The following DNAH7 variants were observed in gnomAD, a reference collection of about 807,000 sequenced individuals.
DNAH7 encodes the protein axonemal beta dynein heavy chain 7.
In DNAH7, 397 loss-of-function variants were observed where a neutral mutation model predicts 444.6. The observed-to-expected ratio is 0.89, with a 90% CI of 0.82 to 0.97. The LOEUF is 0.97. Among genes scored for constraint, DNAH7 ranks in the 50% least tolerant of loss-of-function variants. The pLI is 0.00. For synonymous variants in DNAH7, 1,636 were observed against 1,624.4 expected (o/e 1.01, Z -0.17); for missense variants, 4,902 against 4,800.8 (o/e 1.02, Z -0.62).
At chr2:195,961,392 C>T (rs1691094712) in intron 17 of DNAH7, among the ~76,000 whole-genome samples, 1 of 152,116 alleles carries the variant, frequency 6.6e-6, no homozygotes, top group South Asian at 2.1e-4. Flanking sequence ...TTCCCCAATC[C>T]CCACTACCCA....
intron 54 of DNAH7, among the ~76,000 whole-genome samples, chr2:195,805,255 T>A (rs1017666391): frequency 2.0e-5 from 3 of 148,318 alleles, no homozygotes; most frequent in African/African-American, 7.4e-5. Context: ...AAACACGAAC[T>A]TTTTTTTTTA....
chr2:195,806,701 C>T (rs184615767), intron 54 of DNAH7, 39 bp downstream of exon 54: 11 of 1,573,734 alleles, frequency 7.0e-6, no homozygotes, highest in Admixed American at 1.7e-5. Context: ...AGGCATAAGG[C>T]TTTGGAATCA....
At chr2:195,791,066 G>A (rs887492353) in intron 57 of DNAH7, among the ~76,000 whole-genome samples, 6 of 152,082 alleles carry the variant, frequency 3.9e-5, no homozygotes, top group Non-Finnish European at 4.4e-5. Context: ...AGACTTACAA[G>A]TGGCCAAGAA....
intron 61 of DNAH7, among the ~76,000 whole-genome samples, chr2:195,769,159 A>G (rs987058335): frequency 2.0e-5 from 3 of 152,198 alleles, no homozygotes; most frequent in African/African-American, 7.2e-5. Flanking sequence ...CATTATAAGT[A>G]GTTCATATGA....
At chr2:195,996,769 A>C (rs1024345232) in intron 12 of DNAH7, among the ~76,000 whole-genome samples, 10 of 152,174 alleles carry the variant, frequency 6.6e-5, no homozygotes, top group African/African-American at 2.4e-4. Context: ...TGTTGCCCAG[A>C]TTTTATCTAT....
Position 195,834,233 on chromosome 2 carries a change from C to T in DNAH7, c.9073G>A (p.Glu3025Lys), listed in dbSNP as rs1698216168. 2 of 1,605,800 alleles carry T rather than the reference C, an allele frequency of 1.2e-6. No homozygotes were observed. Among genetic ancestry groups the T allele is most frequent in the East Asian group, 4.5e-5 (2 of 44,658 alleles). Residue 3025 changes from glutamate to lysine, a missense_variant, in exon 48 of 65, where the codon GAA (glutamate) becomes AAA (lysine). Coordinates refer to ENST00000312428, the MANE Select transcript of DNAH7 (RefSeq NM_018897.3). Reference protein sequence around the residue: ...LSEPDYVRTLENCIQFGTPVL... With the variant: ...LSEPDYVRTLKNCIQFGTPVL... The stretch of plus-strand genomic sequence containing the variant: ...GGAGTACCAAACTGGATGCAATTTT[C>T]CAGAGTCCTGACATAGTCAGGTTCA...
At chr2:195,802,194 GT>G (rs1696494666) in intron 54 of DNAH7, among the ~76,000 whole-genome samples, 1 of 152,146 alleles carries the variant, frequency 6.6e-6, no homozygotes, top group African/African-American at 2.4e-5. Flanking sequence ...TTCAGGTTTT[GT>G]TTTTTGTTCT....
intron 63 of DNAH7, among the ~76,000 whole-genome samples, chr2:195,749,165 C>T (rs10931709): frequency 3.9e-5 from 6 of 151,930 alleles, no homozygotes; most frequent in African/African-American, 7.3e-5. Flanking sequence ...TCAAAAAGTG[C>T]GTGAAGGACA....
In DNAH7 at chr2:195,853,591, G is replaced by T. The variant is rs931448274; in HGVS notation, c.8596-63C>A. ...GTATAAGAAGTTTAAAATTCTGCAA[G>T]ATTTTACCCTCAGAAGTGAATTATT... is the stretch of plus-strand genomic sequence containing the variant. On this transcript the variant is annotated intron_variant, in intron 45 of 64. Transcript: ENST00000312428. The T allele has an allele frequency of 6.1e-5, 88 of 1,449,988 alleles. 1 individual carries two copies. The South Asian group carries it at 1.1e-3, about 19-fold the overall frequency. 89.8% of individuals were successfully genotyped at this position (1,449,988 alleles called of 1,614,324 possible). A position where few individuals can be genotyped will look rare whatever the true frequency, so the allele number is the denominator to read the frequency against.
At chr2:196,003,303 A>T (rs1694161838) in intron 10 of DNAH7, among the ~76,000 whole-genome samples, 1 of 152,174 alleles carries the variant, frequency 6.6e-6, no homozygotes, top group Non-Finnish European at 1.5e-5. Context: ...CAGAATAGAA[A>T]ACAGGAAGAA....
chr2:195,871,488 T>C (rs564922684), intron 40 of DNAH7, among the ~76,000 whole-genome samples: 1 of 152,088 alleles, frequency 6.6e-6, no homozygotes, highest in Non-Finnish European at 1.5e-5. Context: ...CTCATCCACA[T>C]ACCTATTCCC....
chr2:195,994,065 T>C (rs1693532397), intron 12 of DNAH7, among the ~76,000 whole-genome samples: 1 of 152,222 alleles, frequency 6.6e-6, no homozygotes, highest in Admixed American at 6.5e-5. Context: ...CAACTGTGCA[T>C]TTAGACAAGT....
intron 25 of DNAH7, 88 bp downstream of exon 25, chr2:195,909,939 C>G: frequency 1.5e-6 from 2 of 1,310,040 alleles, no homozygotes; most frequent in Non-Finnish European, 2.1e-6. Context: ...TACAGTAAAT[C>G]TTTTACTTGT....
chr2:196,001,098 G>C (rs1171361591), intron 11 of DNAH7, among the ~76,000 whole-genome samples: 1 of 151,960 alleles, frequency 6.6e-6, no homozygotes, highest in East Asian at 1.9e-4. Context: ...TCAACTACAG[G>C]GTCAAAGTCC....
Position 195,834,122 on chromosome 2 carries a change from G to A in DNAH7, c.9100+84C>T, listed in dbSNP as rs560307544. 2.6e-5 allele frequency: 36 copies of A among 1,359,304 alleles called. 1 individual carries two copies. Among genetic ancestry groups the A allele is most frequent in the South Asian group, 5.0e-5 (3 of 59,406 alleles). The allele number at this position is 1,359,304 out of a possible 1,614,324, so 84.2% of individuals were successfully genotyped here. ...CTTGGTAGGCTGAGGTGGGAGGATC[G>A]CTTGAAACAATCTATACAGTTTTGG... On this transcript the variant is annotated intron_variant, in intron 48 of 64. Transcript: ENST00000312428.
At chr2:195,827,371 G>A (rs576364885) in intron 48 of DNAH7, among the ~76,000 whole-genome samples, 3 of 151,728 alleles carry the variant, frequency 2.0e-5, no homozygotes, top group South Asian at 2.1e-4. Flanking sequence ...TCCATCTCCT[G>A]GGCTCAGGCC....
intron 47 of DNAH7, among the ~76,000 whole-genome samples, chr2:195,843,618 T>G (rs1211718245): frequency 6.6e-6 from 1 of 152,196 alleles, no homozygotes; most frequent in South Asian, 2.1e-4. Context: ...TAACTACTCC[T>G]TTAACTTACC....
At chr2:195,738,152 T>C in intron 64 of DNAH7, 25 bp from the exon 65 acceptor site, 1 of 1,596,250 alleles carries the variant, frequency 6.3e-7, no homozygotes, top group South Asian at 1.1e-5. Flanking sequence ...ATAACACCTC[T>C]TTAAGTCAAG....
intron 47 of DNAH7, among the ~76,000 whole-genome samples, chr2:195,839,732 A>G (rs1245594907): frequency 2.0e-5 from 3 of 151,752 alleles, no homozygotes; most frequent in Admixed American, 6.6e-5. Context: ...AATACTATAA[A>G]CAACTCTCTG....
Sources: allele counts gnomAD v4.1 joint callset (sites outside exome capture counted in the v4.1 genomes callset), GRCh38; gene constraint gnomAD v4.1.1; transcripts MANE v1.5; gene names NCBI Gene and HGNC (gene_info 2026-07-23, HGNC 2026-07-21).